The following GPC6 variants were observed in gnomAD, a reference collection of about 807,000 sequenced individuals.
The protein encoded by GPC6 is glypican-6.
A neutral mutation model predicts 55.2 loss-of-function variants in GPC6; 14 were observed. That is an observed-to-expected ratio of 0.25 (90% CI 0.17 to 0.40). The LOEUF (loss-of-function observed/expected upper bound fraction) is 0.40, where lower values mean the gene tolerates loss of function less well. GPC6 is among the 10% of genes least tolerant of loss of function. The pLI is 1.00. For missense variants in GPC6, 641 were observed against 708.5 expected, an observed-to-expected ratio of 0.90 and a Z score of 1.08; for synonymous variants, 278 against 259.6, an observed-to-expected ratio of 1.07 and a Z score of -0.68.
At chr13:94,185,105 A>G (rs1316420826) in intron 4 of GPC6, among the ~76,000 whole-genome samples, 1 of 152,156 alleles carries the variant, frequency 6.6e-6, no homozygotes, top group Non-Finnish European at 1.5e-5. Context: ...ACCCATGGAC[A>G]TAAACCTGGG....
At chr13:94,079,997 T>A (rs1010860619) in intron 4 of GPC6, among the ~76,000 whole-genome samples, 5 of 152,168 alleles carry the variant, frequency 3.3e-5, no homozygotes, top group Non-Finnish European at 5.9e-5. Context: ...TTTTAATGAG[T>A]CATAAGAAAT....
At chr13:93,381,781 A>G (rs1875180600) in intron 1 of GPC6, among the ~76,000 whole-genome samples, 1 of 152,124 alleles carries the variant, frequency 6.6e-6, no homozygotes, top group Non-Finnish European at 1.5e-5. Flanking sequence ...AACTTCTATT[A>G]TCATGACTTT....
chr13:94,093,321 A>G (rs1223433926), intron 4 of GPC6, among the ~76,000 whole-genome samples: 2 of 152,016 alleles, frequency 1.3e-5, no homozygotes, highest in Non-Finnish European at 2.9e-5. Flanking sequence ...CAAACTGCAT[A>G]TGGATATCTA....
intron 8 of GPC6, among the ~76,000 whole-genome samples, chr13:94,402,038 C>A (rs1881160210): frequency 6.6e-6 from 1 of 152,074 alleles, no homozygotes; most frequent in African/African-American, 2.4e-5. Flanking sequence ...GAGTTATGGA[C>A]CATACAAAAG....
intron 4 of GPC6, among the ~76,000 whole-genome samples, chr13:94,151,686 A>G (rs1239646615): frequency 1.3e-5 from 2 of 152,092 alleles, no homozygotes; most frequent in Non-Finnish European, 2.9e-5. Context: ...ATCCGAGGCA[A>G]TGGTGCACAG....
At chr13:94,136,829 A>G (rs2138874601) in intron 4 of GPC6, among the ~76,000 whole-genome samples, 1 of 152,336 alleles carries the variant, frequency 6.6e-6, no homozygotes, top group South Asian at 2.1e-4. Context: ...TCAGGACAAC[A>G]GTTTGGGAAA....
Position 93,726,530 on chromosome 13 carries a change from G to T in GPC6, c.320-103624G>T, listed in dbSNP as rs74108609. Among the ~76,000 whole-genome samples, 1,263 of 152,164 alleles carry T rather than the reference G, an allele frequency of 8.3e-3. 16 individuals carry two copies. The highest frequency in any genetic ancestry group is 0.029 in the African/African-American group (1,190 of 41,548). The stretch of plus-strand genomic sequence containing the variant: ...TTTCCTTCCCTCGGGGTATGTCAGA[G>T]AAAATTTCATAACCCTTCTAAGGTC... On this transcript the variant is annotated intron_variant, in intron 2 of 8. Transcript: ENST00000377047.
chr13:94,271,366 A>ACG (rs35593846), intron 4 of GPC6, among the ~76,000 whole-genome samples: 1,390 of 131,264 alleles, frequency 0.011, 20 homozygotes, highest in African/African-American at 0.028. Flanking sequence ...ACACACACAC[A>ACG]CGCGCGCGCG....
chr13:94,390,115 G>T (rs1272495863), intron 7 of GPC6, among the ~76,000 whole-genome samples: 2 of 152,262 alleles, frequency 1.3e-5, no homozygotes, highest in Non-Finnish European at 2.9e-5. Flanking sequence ...TCATCACAGA[G>T]TGTGGGTTGA....
chr13:93,974,147 C>T (rs931404539), intron 3 of GPC6, among the ~76,000 whole-genome samples: 2 of 152,146 alleles, frequency 1.3e-5, no homozygotes, highest in African/African-American at 4.8e-5. Context: ...GGCAGGTTCC[C>T]CTGCCCCAAC....
At chr13:93,378,396 C>T (rs1246930417) in intron 1 of GPC6, among the ~76,000 whole-genome samples, 1 of 152,180 alleles carries the variant, frequency 6.6e-6, no homozygotes. Context: ...ACTGGTTGGC[C>T]TTTGCTCTGC....
intron 1 of GPC6, among the ~76,000 whole-genome samples, chr13:93,301,484 G>C (rs1013909961): frequency 1.3e-5 from 2 of 152,216 alleles, no homozygotes; most frequent in Non-Finnish European, 2.9e-5. Flanking sequence ...TCTTGCATTA[G>C]CTATGCTGAG....
chr13:93,616,824 C>T (rs922402327), intron 2 of GPC6, among the ~76,000 whole-genome samples: 3 of 152,144 alleles, frequency 2.0e-5, no homozygotes, highest in African/African-American at 7.2e-5. Context: ...ACACCATTGA[C>T]GTGCTCCTTT....
intron 2 of GPC6, among the ~76,000 whole-genome samples, chr13:93,808,345 C>T (rs919522820): frequency 1.3e-5 from 2 of 152,098 alleles, no homozygotes; most frequent in African/African-American, 4.8e-5. Flanking sequence ...TATCTAAAGA[C>T]TCCAAGTGCT....
At chr13:93,410,016 A>C (rs1876437076) in intron 1 of GPC6, among the ~76,000 whole-genome samples, 1 of 152,158 alleles carries the variant, frequency 6.6e-6, no homozygotes, top group African/African-American at 2.4e-5. Context: ...CTTCCCCTGG[A>C]GACTGGCCTA....
intron 4 of GPC6, among the ~76,000 whole-genome samples, chr13:94,231,457 C>T (rs1360181246): frequency 6.6e-6 from 1 of 152,118 alleles, no homozygotes; most frequent in Admixed American, 6.6e-5. Context: ...AGGAAGGCAT[C>T]AGAAATAAAT....
chr13:93,752,442 T>TAA (rs1223212142), intron 2 of GPC6, among the ~76,000 whole-genome samples: 8 of 134,206 alleles, frequency 6.0e-5, no homozygotes, highest in African/African-American at 2.2e-4. Flanking sequence ...TGTTTTACAT[T>TAA]AAAAAAAAAA....
chr13:93,367,432 T>C, intron 1 of GPC6, among the ~76,000 whole-genome samples: 1 of 152,128 alleles, frequency 6.6e-6, no homozygotes, highest in East Asian at 1.9e-4. Flanking sequence ...CTCTATTACA[T>C]TACTGTTTTC....
At chr13:94,327,054 G>C (rs1393034567) in intron 6 of GPC6, among the ~76,000 whole-genome samples, 1 of 152,178 alleles carries the variant, frequency 6.6e-6, no homozygotes, top group Non-Finnish European at 1.5e-5. Flanking sequence ...GCACCAACAT[G>C]AGACAGCAAA....
Sources: allele counts gnomAD v4.1 joint callset (sites outside exome capture counted in the v4.1 genomes callset), GRCh38; gene constraint gnomAD v4.1.1; transcripts MANE v1.5; gene names NCBI Gene and HGNC (gene_info 2026-07-23, HGNC 2026-07-21).